PTCH1: variants seen among roughly 807,000 people sequenced by gnomAD.
PTCH1 encodes the protein patched 1.
PTCH1 carries 14 observed loss-of-function variants against 144.6 expected under a neutral mutation model. The ratio of observed to expected loss-of-function variants is 0.10; its 90% confidence interval spans 0.06 to 0.15. The LOEUF (loss-of-function observed/expected upper bound fraction) is 0.15. PTCH1 is among the 10% of genes least tolerant of loss of function. PTCH1 has a pLI of 1.00. For synonymous variants in PTCH1, 833 were observed against 793.6 expected (o/e 1.05, Z -0.83); for missense variants, 1,623 against 1,948.3 (o/e 0.83, Z 3.14).
chr9:95,484,772 A>G (rs1841841981), intron 3 of PTCH1, among the ~76,000 whole-genome samples: 1 of 152,228 alleles, frequency 6.6e-6, no homozygotes, highest in African/African-American at 2.4e-5. Flanking sequence ...GAAAACAGAC[A>G]AGAGGTGGCC....
intron 18 of PTCH1, among the ~76,000 whole-genome samples, chr9:95,456,756 G>A (rs1036165302): frequency 6.6e-5 from 10 of 152,012 alleles, no homozygotes; most frequent in Admixed American, 3.3e-4. Context: ...ACTTAGCTGC[G>A]AATTTCACAG....
intron 19 of PTCH1, among the ~76,000 whole-genome samples, chr9:95,455,920 C>G (rs1295091122): frequency 1.3e-5 from 2 of 152,236 alleles, no homozygotes; most frequent in African/African-American, 4.8e-5. Flanking sequence ...CCCACCCACA[C>G]ACTCACCACA....
intron 12 of PTCH1, among the ~76,000 whole-genome samples, chr9:95,474,860 G>C (rs28472890): frequency 0.012 from 1,887 of 152,306 alleles, 18 homozygotes; most frequent in Non-Finnish European, 0.02. Flanking sequence ...TTGGTGAGTA[G>C]AGTAAAGCTG....
At chr9:95,505,013 T>C (rs1843452553) in intron 2 of PTCH1, among the ~76,000 whole-genome samples, 1 of 152,204 alleles carries the variant, frequency 6.6e-6, no homozygotes, top group African/African-American at 2.4e-5. Flanking sequence ...AATTACTCCA[T>C]GGATTCAATC....
intron 12 of PTCH1, among the ~76,000 whole-genome samples, chr9:95,472,321 C>G (rs980374064): frequency 2.0e-5 from 3 of 152,128 alleles, no homozygotes; most frequent in African/African-American, 7.2e-5. Flanking sequence ...TAAATCAGAT[C>G]AAACAAAGAC....
At chr9:95,469,747 T>A (rs1229797126) in intron 13 of PTCH1, 66 bp downstream of exon 13, 1 of 1,423,898 alleles carries the variant, frequency 7.0e-7, no homozygotes, top group Non-Finnish European at 9.9e-7. Context: ...GTCCACAGGC[T>A]GAAAGAGTTC....
upstream of PTCH1, among the ~76,000 whole-genome samples, chr9:95,513,311 A>C (rs1268570668): frequency 6.6e-6 from 1 of 152,220 alleles, no homozygotes; most frequent in East Asian, 1.9e-4. Flanking sequence ...AAATGAATAA[A>C]GGGGTTAATG....
intron 23 of PTCH1, chr9:95,446,674 C>T (rs757199568): frequency 3.4e-5 from 21 of 614,752 alleles, no homozygotes; most frequent in Non-Finnish European, 4.9e-5. Context: ...GGCGCTGCAC[C>T]GACCCTCCGC....
chr9:95,459,016 C>T (rs1030316763), intron 17 of PTCH1, among the ~76,000 whole-genome samples: 4 of 152,142 alleles, frequency 2.6e-5, no homozygotes, highest in South Asian at 2.1e-4. Flanking sequence ...TCCCTTGGCC[C>T]GGTATCCAAA....
intron 12 of PTCH1, among the ~76,000 whole-genome samples, chr9:95,473,171 G>C (rs554756863): frequency 7.2e-5 from 11 of 152,324 alleles, no homozygotes; most frequent in African/African-American, 2.4e-5. Flanking sequence ...TGTAGAGATG[G>C]CATTTAGGCA....
intron 1 of PTCH1, chr9:95,507,371 G>C (rs1843765319): frequency 3.0e-6 from 3 of 985,360 alleles, no homozygotes; most frequent in Admixed American, 6.1e-5. Flanking sequence ...GCATTTCCCC[G>C]GCGCTGGCCG....
chr9:95,479,461 G>C (rs1052397561), intron 7 of PTCH1, among the ~76,000 whole-genome samples: 8 of 152,172 alleles, frequency 5.3e-5, no homozygotes, highest in African/African-American at 1.4e-4. Context: ...GATACACCGG[G>C]CTCAGTGACG....
At chr9:95,447,607 T>C (rs954439659) in intron 22 of PTCH1, among the ~76,000 whole-genome samples, 156 bp from the exon 23 acceptor site, 3 of 152,220 alleles carry the variant, frequency 2.0e-5, no homozygotes. Flanking sequence ...CCTGTCCTTC[T>C]AATAACCTCC....
At position 95,443,060 on chromosome 9, in the gene PTCH1, CAGA is replaced by C. The variant is rs933937026; in HGVS notation, c.*3330_*3332del. 6.6e-6 allele frequency: 1 copy of C among 152,136 alleles called. No homozygotes were observed. Among genetic ancestry groups the C allele is most frequent in the African/African-American group, 2.4e-5 (1 of 41,436 alleles). The allele number at this position is 152,136 out of a possible 1,614,324, so 9.4% of individuals were successfully genotyped here. ...GAAATAAGTATGCTAAGAGAGATGA[CAGA>C]AGGACTAATTTTGATGGTTAACTTA... On this transcript the variant is annotated 3_prime_UTR_variant, in exon 24 of 24. Coordinates refer to ENST00000331920, the MANE Select transcript of PTCH1 (RefSeq NM_000264.5).
chr9:95,506,891 G>A (rs1288224616), intron 1 of PTCH1: 3 of 1,138,724 alleles, frequency 2.6e-6, no homozygotes, highest in East Asian at 4.6e-5. Flanking sequence ...AGAAGAGGAA[G>A]CCGAGGTAGA....
chr9:95,455,507 A>G lies in PTCH1; in HGVS notation c.3306+769T>C, dbSNP rs116837586. On this transcript the variant is annotated intron_variant, in intron 19 of 23. Coordinates refer to ENST00000331920, the MANE Select transcript of PTCH1 (RefSeq NM_000264.5). ...TTAGGCTCTAATCTGCAGACAGAAC[A>G]TAATTTACACAGTTGTGATGTTTTG... Among the ~76,000 whole-genome samples, 1,357 of 152,388 alleles carry G rather than the reference A, an allele frequency of 8.9e-3. 18 individuals carry two copies. Among genetic ancestry groups the G allele is most frequent in the African/African-American group, 0.031 (1,303 of 41,592 alleles).
upstream of PTCH1, among the ~76,000 whole-genome samples, chr9:95,510,937 G>C (rs1283677701): frequency 6.7e-6 from 1 of 150,368 alleles, no homozygotes; most frequent in Non-Finnish European, 1.5e-5. Flanking sequence ...GGCCGGCTCC[G>C]GGCCTCCAGC....
At chr9:95,503,504 G>A (rs1843295694) in intron 2 of PTCH1, among the ~76,000 whole-genome samples, 1 of 152,182 alleles carries the variant, frequency 6.6e-6, no homozygotes, top group Non-Finnish European at 1.5e-5. Flanking sequence ...GGGTCTATCT[G>A]CATTTATGAA....
At chr9:95,450,339 C>A (rs1838353161) in intron 20 of PTCH1, 3 of 316,708 alleles carry the variant, frequency 9.5e-6, no homozygotes, top group Admixed American at 4.8e-5. Flanking sequence ...GAAAACCCAG[C>A]AGAAGCAAAC....
Sources: allele counts gnomAD v4.1 joint callset (sites outside exome capture counted in the v4.1 genomes callset), GRCh38; gene constraint gnomAD v4.1.1; transcripts MANE v1.5; gene names NCBI Gene and HGNC (gene_info 2026-07-23, HGNC 2026-07-21).